IKBIP: variants seen among roughly 807,000 people sequenced by gnomAD.
IKBIP encodes inhibitor of nuclear factor kappa-B kinase-interacting protein.
IKBIP carries 28 observed loss-of-function variants against 31.0 expected under a neutral mutation model. That is an observed-to-expected ratio of 0.90 (90% CI 0.67 to 1.24). The LOEUF (loss-of-function observed/expected upper bound fraction) is 1.24. Ranked by LOEUF, IKBIP falls within the 50% of genes most tolerant of loss-of-function variation. The pLI, the probability that IKBIP is intolerant of heterozygous loss-of-function variation, is 0.00. For synonymous variants in IKBIP, 164 were observed against 160.3 expected (o/e 1.02, Z -0.17); for missense variants, 453 against 441.9 (o/e 1.03, Z -0.23).
In IKBIP at chr12:98,625,724, C is replaced by T. The variant is rs1396840624; in HGVS notation, c.*206G>A. The T allele has an allele frequency of 6.5e-6, 2 of 306,874 alleles. No homozygotes were observed. The highest frequency in any genetic ancestry group is 4.3e-5 in the African/African-American group (2 of 46,862). The allele number at this position is 306,874 out of a possible 1,614,324, so 19.0% of individuals were successfully genotyped here. A position where few individuals can be genotyped will look rare whatever the true frequency, so the allele number is the denominator to read the frequency against. On this transcript the variant is annotated 3_prime_UTR_variant, in exon 3 of 3. Coordinates refer to ENST00000299157, the MANE Select transcript of IKBIP (RefSeq NM_153687.4). The stretch of plus-strand genomic sequence containing the variant: ...AAAGTAGAGAAATATTTTTAAAGAA[C>T]TATTTCTATTTCAAATAGTTACAAT...
rs2097607080 is a variant in IKBIP, at chr12:98,617,793, C to T, written c.298-3453G>A. 2.0e-5 allele frequency among the ~76,000 whole-genome samples: 3 copies of T among 152,156 alleles called. No individual in the cohort carries two copies. The South Asian group carries it at 6.2e-4, about 31-fold the overall frequency. Reference sequence around the variant, plus strand: ...ATGCGTATGCCCAAAGACAGATATACAGTAATTACTCTGGAAAAAGAATCC... The same window carrying T: ...ATGCGTATGCCCAAAGACAGATATATAGTAATTACTCTGGAAAAAGAATCC... On this transcript the variant is annotated intron_variant, in intron 2 of 2. Transcript: ENST00000342502.
chr12:98,613,592 A>T, exon 3 of IKBIP: 1 of 1,470,600 alleles, frequency 6.8e-7, no homozygotes, highest in Non-Finnish European at 9.2e-7. Context: ...AAACTAATTC[A>T]TATCTGAAAT....
Position 98,626,222 on chromosome 12 carries a change from T to G in IKBIP, c.842A>C (p.His281Pro), listed in dbSNP as rs201810817. The change falls in exon 3 of 3, where the codon CAC becomes CCC. Residue 281 changes from histidine (H) to proline (P), a missense_variant. Coordinates refer to ENST00000299157, the MANE Select transcript of IKBIP (RefSeq NM_153687.4). ...ATCCTGAGAGACTCTGAGAACAGAGTGAATAGCACTTTCAATTGTTGGCAA... is the reference window on the plus strand; with the variant it reads ...ATCCTGAGAGACTCTGAGAACAGAGGGAATAGCACTTTCAATTGTTGGCAA... ...THLPTIESAIHSVLRVSQDLI... is the reference protein window; with the variant it reads ...THLPTIESAIPSVLRVSQDLI... 1 of 1,614,172 alleles carries G rather than the reference T, an allele frequency of 6.2e-7. No individual in the cohort carries two copies. Among genetic ancestry groups the G allele is most frequent in the East Asian group, 2.2e-5 (1 of 44,880 alleles).
intron 1 of IKBIP, among the ~76,000 whole-genome samples, chr12:98,642,733 T>A (rs2097631703): frequency 6.6e-6 from 1 of 150,804 alleles, no homozygotes; most frequent in African/African-American, 2.4e-5. Context: ...CCTGAGTAGC[T>A]GGGATTACAG....
At chr12:98,613,498 C>T in exon 3 of IKBIP, 3 of 665,270 alleles carry the variant, frequency 4.5e-6, no homozygotes, top group South Asian at 2.9e-5. Flanking sequence ...ACTTTTGCTC[C>T]AAAATATCAT....
chr12:98,625,029 C>G lies in IKBIP; in HGVS notation c.*901G>C. On this transcript the variant is annotated 3_prime_UTR_variant, in exon 3 of 3. Coordinates refer to ENST00000299157, the MANE Select transcript of IKBIP (RefSeq NM_153687.4). ...ACCCTGTTAGCCAGATGGTCTTGAT[C>G]TCCTGACTTCGTGATCTGCCCACCT... is the stretch of plus-strand genomic sequence containing the variant. 1 of 551,148 alleles carries G rather than the reference C, an allele frequency of 1.8e-6. No individual in the cohort carries two copies. The highest frequency in any genetic ancestry group is 2.3e-6 in the Non-Finnish European group (1 of 433,452). The allele number at this position is 551,148 out of a possible 1,614,324, so 34.1% of individuals were successfully genotyped here.
chr12:98,620,092 T>C (rs995220356), downstream of IKBIP, among the ~76,000 whole-genome samples: 8 of 142,036 alleles, frequency 5.6e-5, no homozygotes, highest in Admixed American at 4.9e-4. Context: ...CTAAGTTTTC[T>C]ATTTTTTTTT....
intron 1 of IKBIP, among the ~76,000 whole-genome samples, chr12:98,639,379 T>C (rs975192926): frequency 6.6e-6 from 1 of 152,228 alleles, no homozygotes; most frequent in Non-Finnish European, 1.5e-5. Context: ...AAGGATGGAA[T>C]AGATGGATTA....
chr12:98,634,232 T>C (rs2097623651), intron 2 of IKBIP, 64 bp downstream of exon 2: 2 of 782,188 alleles, frequency 2.6e-6, no homozygotes, highest in Non-Finnish European at 4.5e-6. Flanking sequence ...TGAGCTGGGA[T>C]AGAGAAATGA....
intron 2 of IKBIP, among the ~76,000 whole-genome samples, chr12:98,631,375 G>A (rs1022218093): frequency 1.3e-5 from 2 of 151,364 alleles, no homozygotes; most frequent in Non-Finnish European, 2.9e-5. Context: ...CTGCCTCCCC[G>A]GTTTAAGCGA....
downstream of IKBIP, among the ~76,000 whole-genome samples, chr12:98,621,106 G>A (rs765867739): frequency 1.1e-4 from 17 of 152,042 alleles, no homozygotes; most frequent in African/African-American, 3.1e-4. Context: ...AAAATGAGCC[G>A]GGTGTAGTGA....
In IKBIP at chr12:98,625,400, T is replaced by C; in HGVS notation, c.*530A>G. ...CCCTCAGGCATGTTATCTTTTATTT[T>C]ACACAAAATTCCCATGAACTTGGTT... On this transcript the variant is annotated 3_prime_UTR_variant, in exon 3 of 3. Transcript: ENST00000299157. 2 of 654,072 alleles carry C rather than the reference T, an allele frequency of 3.1e-6. No individual in the cohort carries two copies. Among genetic ancestry groups the C allele is most frequent in the Non-Finnish European group, 1.9e-6 (1 of 527,726 alleles). The allele number at this position is 654,072 out of a possible 1,614,324, so 40.5% of individuals were successfully genotyped here. A position where few individuals can be genotyped will look rare whatever the true frequency, so the allele number is the denominator to read the frequency against.
chr12:98,613,742 T>C, exon 3 of IKBIP: 1 of 1,612,786 alleles, frequency 6.2e-7, no homozygotes, highest in Non-Finnish European at 8.5e-7. Context: ...TGTTAAATCA[T>C]TTACTAATGG....
rs745743337 is a variant in IKBIP, at chr12:98,626,681, T to G, written c.383A>C (p.Gln128Pro). The change falls in exon 3 of 3, where the codon CAA becomes CCA. Residue 128 changes from glutamine to proline, a missense_variant. Gln to Pro is a moderately conservative substitution (Grantham distance 76). Coordinates refer to ENST00000299157, the MANE Select transcript of IKBIP (RefSeq NM_153687.4). ...TQFEQEVSNL[Q>P]DIMHDIQNNE... ...ATTTTGAATGTCATGCATGATATCT[T>G]GGAGGTTGGATACTTCCTGCTCAAA... The G allele has an allele frequency of 1.2e-6, 2 of 1,614,074 alleles. No homozygotes were observed. Among genetic ancestry groups the G allele is most frequent in the Non-Finnish European group, 1.7e-6 (2 of 1,179,994 alleles).
At chr12:98,640,175 G>A (rs1455578592) in intron 1 of IKBIP, among the ~76,000 whole-genome samples, 4 of 152,144 alleles carry the variant, frequency 2.6e-5, no homozygotes, top group South Asian at 4.1e-4. Flanking sequence ...GGTGGCTCAC[G>A]CCTGTAATCC....
chr12:98,634,461 A>T (rs549373376), intron 1 of IKBIP, 48 bp from the exon 2 acceptor site: 15 of 955,312 alleles, frequency 1.6e-5, no homozygotes, highest in South Asian at 1.1e-4. Flanking sequence ...TATCCATTTA[A>T]ATCCGAATTT....
At chr12:98,614,097 G>A (rs766896675) in exon 3 of IKBIP, 40 of 1,612,666 alleles carry the variant, frequency 2.5e-5, no homozygotes, top group East Asian at 8.9e-5. Flanking sequence ...CCTGAAATCC[G>A]TCGTATATCT....
chr12:98,638,010 T>G (rs550524935), intron 1 of IKBIP, among the ~76,000 whole-genome samples: 2 of 152,230 alleles, frequency 1.3e-5, no homozygotes, highest in Non-Finnish European at 2.9e-5. Flanking sequence ...TCTTCCCATT[T>G]AGATGAGAGT....
chr12:98,635,531 T>A (rs1465143577), intron 1 of IKBIP, among the ~76,000 whole-genome samples: 2 of 152,210 alleles, frequency 1.3e-5, no homozygotes, highest in Non-Finnish European at 2.9e-5. Context: ...ATATCTGTAA[T>A]AGATGCATGC....
Sources: gnomAD v4.1 joint callset for allele counts (sites outside exome capture counted in the v4.1 genomes callset) on GRCh38, gnomAD v4.1.1 for gene constraint, MANE v1.5 for transcripts, NCBI Gene and HGNC (gene_info 2026-07-23, HGNC 2026-07-21) for gene names.